PRKCB: variants seen among roughly 807,000 people sequenced by gnomAD.
PRKCB encodes protein kinase C beta type.
PRKCB carries 13 observed loss-of-function variants against 81.5 expected under a neutral mutation model. That is an observed-to-expected ratio of 0.16 (90% CI 0.10 to 0.25). The LOEUF is 0.25. PRKCB is among the 10% of genes least tolerant of loss of function. The pLI is 1.00. For missense variants in PRKCB, 509 were observed against 875.7 expected (o/e 0.58, Z 5.29); for synonymous variants, 335 against 321.4 (o/e 1.04, Z -0.45).
intron 2 of PRKCB, among the ~76,000 whole-genome samples, chr16:23,863,241 CATAT>C (rs760644771): frequency 0.071 from 5,985 of 83,804 alleles, 175 homozygotes; most frequent in African/African-American, 0.095. Context: ...TATATATATA[CATAT>C]ATATACACAT....
chr16:23,836,748 C>T (rs1481727388), intron 1 of PRKCB, among the ~76,000 whole-genome samples: 2 of 141,614 alleles, frequency 1.4e-5, no homozygotes, highest in East Asian at 4.3e-4. Flanking sequence ...GAGGAGCCCT[C>T]GCCCCCCACC....
At chr16:23,956,458 C>A (rs1964350745) in intron 2 of PRKCB, among the ~76,000 whole-genome samples, 1 of 152,100 alleles carries the variant, frequency 6.6e-6, no homozygotes, top group African/African-American at 2.4e-5. Flanking sequence ...TTGTCTAAAA[C>A]ATTAGCAATA....
Position 23,863,285 on chromosome 16 carries a change from C to CACAT in PRKCB, c.205+25879_205+25880insACAT, listed in dbSNP as rs1555479535. On this transcript the variant is annotated intron_variant, in intron 2 of 16. Coordinates refer to ENST00000643927, the MANE Select transcript of PRKCB (RefSeq NM_002738.7). ...ACACACACACACACACACACACACA[C>CACAT]GAATATTTTACCTAGGGTGGACGTG... Among the ~76,000 whole-genome samples, 1,139 of 147,610 alleles carry CACAT rather than the reference C, an allele frequency of 7.7e-3. 10 individuals are homozygous for CACAT. The highest frequency in any genetic ancestry group is 0.031 in the Middle Eastern group (9 of 288).
intron 2 of PRKCB, among the ~76,000 whole-genome samples, chr16:23,870,319 A>G (rs1962883321): frequency 6.6e-6 from 1 of 152,216 alleles, no homozygotes; most frequent in South Asian, 2.1e-4. Flanking sequence ...TATGTTCATT[A>G]CAATGGGGGG....
At chr16:24,138,476 T>A (rs1966872874) in intron 9 of PRKCB, among the ~76,000 whole-genome samples, 1 of 152,232 alleles carries the variant, frequency 6.6e-6, no homozygotes. Context: ...ATTTTAACTA[T>A]CCAGCTTTGT....
chr16:23,959,574 C>G (rs1025559464), intron 2 of PRKCB, among the ~76,000 whole-genome samples: 2 of 152,196 alleles, frequency 1.3e-5, no homozygotes, highest in Admixed American at 6.5e-5. Flanking sequence ...AGGACTTCTG[C>G]ACAGAAATAG....
chr16:24,031,316 T>TTCA, intron 3 of PRKCB, among the ~76,000 whole-genome samples: 1 of 152,322 alleles, frequency 6.6e-6, no homozygotes, highest in Non-Finnish European at 1.5e-5. Context: ...TCAAGGCTGG[T>TTCA]AGGGTGGCTT....
At chr16:23,892,678 A>C (rs1458826750) in intron 2 of PRKCB, among the ~76,000 whole-genome samples, 1 of 152,170 alleles carries the variant, frequency 6.6e-6, no homozygotes, top group Non-Finnish European at 1.5e-5. Flanking sequence ...TTGAGTGCCT[A>C]CCGGTATACA....
chr16:23,892,796 A>G (rs1963315716), intron 2 of PRKCB, among the ~76,000 whole-genome samples: 1 of 152,172 alleles, frequency 6.6e-6, no homozygotes, highest in Non-Finnish European at 1.5e-5. Flanking sequence ...CAGGAAGGGA[A>G]AGTGAACTCT....
intron 1 of PRKCB, 66 bp downstream of exon 1, chr16:23,836,414 C>G (rs1962157856): frequency 1.3e-6 from 2 of 1,507,026 alleles, no homozygotes; most frequent in Admixed American, 2.1e-5. Context: ...GGGACCCCCT[C>G]TCCGCGCCCT....
At chr16:23,850,179 C>G (rs1962449632) in intron 2 of PRKCB, among the ~76,000 whole-genome samples, 1 of 151,936 alleles carries the variant, frequency 6.6e-6, no homozygotes, top group Admixed American at 6.6e-5. Context: ...GGGTAGGATT[C>G]TATTGTGTGT....
At chr16:24,134,236 T>TCTTC (rs1966858135) in intron 9 of PRKCB, among the ~76,000 whole-genome samples, 1 of 152,130 alleles carries the variant, frequency 6.6e-6, no homozygotes, top group East Asian at 1.9e-4. Context: ...TTCCTTTCTT[T>TCTTC]CTTCCTTCCT....
intron 10 of PRKCB, among the ~76,000 whole-genome samples, chr16:24,155,959 T>C (rs1967149785): frequency 6.6e-6 from 1 of 152,298 alleles, no homozygotes; most frequent in East Asian, 1.9e-4. Context: ...AGACCATAGA[T>C]GGTGACCTGT....
intron 5 of PRKCB, among the ~76,000 whole-genome samples, chr16:24,037,321 C>A (rs1026653756): frequency 1.3e-5 from 2 of 152,086 alleles, no homozygotes; most frequent in Non-Finnish European, 2.9e-5. Context: ...ACAAAGAAGC[C>A]ACGGCTCAGA....
chr16:23,936,943 G>A (rs1964069187), intron 2 of PRKCB, among the ~76,000 whole-genome samples: 1 of 152,116 alleles, frequency 6.6e-6, no homozygotes, highest in African/African-American at 2.4e-5. Context: ...CTTTAGCGAC[G>A]GGAAATTTCA....
intron 10 of PRKCB, 69 bp downstream of exon 10, chr16:24,154,926 A>G: frequency 6.6e-7 from 1 of 1,510,572 alleles, no homozygotes; most frequent in South Asian, 1.2e-5. Flanking sequence ...AAGCTATCTT[A>G]GCAGCACCCA....
At chr16:24,061,930 A>AC (rs1293843212) in intron 5 of PRKCB, among the ~76,000 whole-genome samples, 7,692 of 146,076 alleles carry the variant, frequency 0.053, 301 homozygotes, top group African/African-American at 0.11. Context: ...AAAAAAAAAA[A>AC]AAACTTGAGG....
At chr16:23,946,075 G>C (rs372677227) in intron 2 of PRKCB, among the ~76,000 whole-genome samples, 1 of 152,318 alleles carries the variant, frequency 6.6e-6, no homozygotes, top group Non-Finnish European at 1.5e-5. Context: ...CTCATTGCAG[G>C]TGGGGAAGCC....
intron 2 of PRKCB, among the ~76,000 whole-genome samples, chr16:23,887,032 G>C (rs1186056333): frequency 2.0e-5 from 3 of 151,924 alleles, no homozygotes; most frequent in African/African-American, 7.3e-5. Context: ...TAAATCCCAG[G>C]GCATTGCATG....
Sources: allele counts gnomAD v4.1 joint callset (sites outside exome capture counted in the v4.1 genomes callset), GRCh38; gene constraint gnomAD v4.1.1; transcripts MANE v1.5; gene names NCBI Gene and HGNC (gene_info 2026-07-23, HGNC 2026-07-21).